JHY: variants seen among roughly 807,000 people sequenced by gnomAD.
JHY encodes junctional cadherin complex regulator, also known as jhy protein homolog.
In JHY, 69 loss-of-function variants were observed where a neutral mutation model predicts 78.0. That is an observed-to-expected ratio of 0.88 (90% CI 0.73 to 1.08). JHY has a LOEUF of 1.08. Ranked by LOEUF, JHY falls within the 50% of genes least tolerant of loss-of-function variation. JHY has a pLI of 0.00. For synonymous variants in JHY, 368 were observed against 342.6 expected (o/e 1.07, Z -0.82); for missense variants, 944 against 927.8 (o/e 1.02, Z -0.23).
At chr11:122,945,793 C>CTTG (rs1390705343) in intron 5 of JHY, among the ~76,000 whole-genome samples, 1 of 152,094 alleles carries the variant, frequency 6.6e-6, no homozygotes, top group African/African-American at 2.4e-5. Flanking sequence ...TTCACAAGAG[C>CTTG]TTGTTGTTGT....
In JHY at chr11:122,883,296, A is replaced by AG. The variant is rs1862424472; in HGVS notation, c.-90+326dup. On this transcript the variant is annotated intron_variant, in intron 1 of 8. Coordinates refer to ENST00000227349, the MANE Select transcript of JHY (RefSeq NM_024806.4). The surrounding 1 kb of genome is among the most constrained non-coding windows in gnomAD (Gnocchi z 4.4). ...CCCCTTGTGACAGGCCTTGTTCCTC[A>AG]GGAACAAGCAAAGGTAGAAAACCGA... 6.6e-6 allele frequency among the ~76,000 whole-genome samples: 1 copy of AG among 152,168 alleles called. No homozygotes were observed. Among genetic ancestry groups the AG allele is most frequent in the African/African-American group, 2.4e-5 (1 of 41,456 alleles).
In JHY at chr11:122,886,061, C is replaced by T. The variant is rs756124869; in HGVS notation, c.212C>T (p.Pro71Leu). 6 of 1,613,926 alleles carry T rather than the reference C, an allele frequency of 3.7e-6. No homozygotes were observed. In the South Asian group the frequency reaches 5.5e-5, roughly 15 times the overall value. The change falls in exon 2 of 9, where the codon CCC (proline) becomes CTC (leucine). Residue 71 changes from proline (P) to leucine (L), a missense_variant. By Grantham distance (98) the Pro-to-Leu change is moderately conservative (BLOSUM62 -3). Transcript: ENST00000227349. The stretch of plus-strand genomic sequence containing the variant: ...CGAATCCGGGGCAACGGTATGGAGC[C>T]CGACAGCTTAGACGAGGAGGAAAGC... ...DDRIRGNGME[P>L]DSLDEEESPR...
intron 3 of JHY, among the ~76,000 whole-genome samples, chr11:122,914,109 T>C (rs3134402): frequency 0.51 from 77,240 of 152,004 alleles, 21,466 homozygotes; most frequent in Non-Finnish European, 0.63. Flanking sequence ...TTGCCTTATA[T>C]CACAGACTCA....
chr11:122,892,089 A>T (rs903265166), intron 2 of JHY, among the ~76,000 whole-genome samples: 1 of 152,138 alleles, frequency 6.6e-6, no homozygotes, highest in Non-Finnish European at 1.5e-5. Context: ...CATAGTAGCC[A>T]TTATTCTTCA....
chr11:122,918,967 A>G (rs915239962), intron 3 of JHY, among the ~76,000 whole-genome samples: 6 of 152,176 alleles, frequency 3.9e-5, no homozygotes, highest in Non-Finnish European at 8.8e-5. Flanking sequence ...GCTCAGATGC[A>G]GCTATTGTAG....
At chr11:122,930,267 G>A (rs1189070969) in intron 4 of JHY, among the ~76,000 whole-genome samples, 1 of 151,976 alleles carries the variant, frequency 6.6e-6, no homozygotes, top group Non-Finnish European at 1.5e-5. Flanking sequence ...TTTTAGTAGA[G>A]ACAGGGTTTC....
In JHY at chr11:122,898,396, C is replaced by T. The variant is rs1009582361; in HGVS notation, c.345-5529C>T. Among the ~76,000 whole-genome samples, 1 of 152,176 alleles carries T rather than the reference C, an allele frequency of 6.6e-6. No individual in the cohort carries two copies. The highest frequency in any genetic ancestry group is 1.5e-5 in the Non-Finnish European group (1 of 68,036). Reference sequence around the variant, plus strand: ...AGAGCAGACTGCCAGGCTCTGTGACCTTGGGAGATGTACATAAGCCCTCTA... The same window carrying T: ...AGAGCAGACTGCCAGGCTCTGTGACTTTGGGAGATGTACATAAGCCCTCTA... On this transcript the variant is annotated intron_variant, in intron 2 of 8. Transcript: ENST00000227349. This position sits in a 1 kb window ranked among gnomAD's most constrained non-coding sequence, Gnocchi z 4.4.
At chr11:122,944,830 C>T (rs1863932816) in intron 5 of JHY, among the ~76,000 whole-genome samples, 1 of 152,070 alleles carries the variant, frequency 6.6e-6, no homozygotes, top group South Asian at 2.1e-4. Flanking sequence ...CTCCTGGTTT[C>T]TGCATTGCTT....
chr11:122,900,968 T>C (rs1862845114), intron 2 of JHY, among the ~76,000 whole-genome samples: 1 of 152,204 alleles, frequency 6.6e-6, no homozygotes, highest in South Asian at 2.1e-4. Context: ...CAGTTCTCTT[T>C]CTAAACAGCA....
intron 3 of JHY, among the ~76,000 whole-genome samples, chr11:122,916,671 C>G (rs1275198942): frequency 6.6e-6 from 1 of 151,750 alleles, no homozygotes; most frequent in Non-Finnish European, 1.5e-5. Context: ...ATGTAGTCTC[C>G]CTCTGTCAAC....
At chr11:122,947,874 G>A (rs986087030) in intron 6 of JHY, among the ~76,000 whole-genome samples, 1 of 152,110 alleles carries the variant, frequency 6.6e-6, no homozygotes, top group Admixed American at 6.6e-5. Context: ...TTCTAAAGTT[G>A]GGGTGGCCCT....
chr11:122,921,492 T>C (rs1863364724), intron 3 of JHY, among the ~76,000 whole-genome samples: 1 of 152,228 alleles, frequency 6.6e-6, no homozygotes, highest in Admixed American at 6.5e-5. Flanking sequence ...GTCAGCTTAG[T>C]TAGTTTTTTT....
intron 4 of JHY, among the ~76,000 whole-genome samples, chr11:122,933,341 A>G (rs138535683): frequency 2.8e-4 from 42 of 152,386 alleles, no homozygotes; most frequent in African/African-American, 9.6e-4. Flanking sequence ...TATATAACAC[A>G]CTGATGCATA....
At chr11:122,958,635 A>T (rs1345310622) in intron 8 of JHY, 2 of 757,478 alleles carry the variant, frequency 2.6e-6, no homozygotes, top group Non-Finnish European at 1.6e-6. Flanking sequence ...CAAAACTGTT[A>T]TAAAGGCAGG....
intron 6 of JHY, among the ~76,000 whole-genome samples, chr11:122,956,083 A>C (rs1473554231): frequency 6.6e-6 from 1 of 152,040 alleles, no homozygotes; most frequent in African/African-American, 2.4e-5. Flanking sequence ...AGGTGGGAGG[A>C]TCACTTAAGC....
chr11:122,918,956 C>A (rs535258921), intron 3 of JHY, among the ~76,000 whole-genome samples: 3 of 152,200 alleles, frequency 2.0e-5, no homozygotes, highest in South Asian at 4.2e-4. Context: ...TAAGGCCATG[C>A]GCTCAGATGC....
chr11:122,904,024 G>C lies in JHY; in HGVS notation c.444G>C (p.Pro148=). ...EGQLLSVEAL[P]ESTDSSLENL... ...AGCTGCTGTCTGTGGAAGCGTTGCC[G>C]GAGTCCACGGACAGCTCTTTAGAAA... is the stretch of plus-strand genomic sequence containing the variant. The change falls in exon 3 of 9, where the codon CCG becomes CCC. Residue 148 remains proline, a synonymous_variant. Coordinates refer to ENST00000227349, the MANE Select transcript of JHY (RefSeq NM_024806.4). 1 of 1,614,116 alleles carries C rather than the reference G, an allele frequency of 6.2e-7. No individual in the cohort carries two copies. The highest frequency in any genetic ancestry group is 8.5e-7 in the Non-Finnish European group (1 of 1,180,020).
At chr11:122,905,001 A>G (rs754510692) in intron 3 of JHY, among the ~76,000 whole-genome samples, 9 of 152,010 alleles carry the variant, frequency 5.9e-5, no homozygotes, top group Non-Finnish European at 1.2e-4. Flanking sequence ...GGGAGTGGGT[A>G]GGGTACAACA....
intron 5 of JHY, among the ~76,000 whole-genome samples, chr11:122,940,317 A>G (rs60028129): frequency 0.031 from 4,761 of 152,224 alleles, 114 homozygotes; most frequent in East Asian, 0.11. Context: ...CAGCCTGGGC[A>G]ACAGAGTGAG....
Sources: gnomAD v4.1 joint callset for allele counts (sites outside exome capture counted in the v4.1 genomes callset) on GRCh38, gnomAD v4.1.1 for gene constraint, Gnocchi (gnomAD v3.1) non-coding constraint, MANE v1.5 for transcripts, NCBI Gene and HGNC (gene_info 2026-07-23, HGNC 2026-07-21) for gene names.